The following DPP6 variants were observed in gnomAD, a reference collection of about 807,000 sequenced individuals.
The protein encoded by DPP6 is A-type potassium channel modulatory protein DPP6.
In DPP6, 69 loss-of-function variants were observed where a neutral mutation model predicts 122.6. That is an observed-to-expected ratio of 0.56 (90% CI 0.46 to 0.69). The LOEUF is 0.69. Ranked by LOEUF, DPP6 falls within the 30% of genes least tolerant of loss-of-function variation. The probability of loss-of-function intolerance (pLI) is 0.00; values close to 1 mark genes in which losing one functional copy is unlikely to be tolerated. For synonymous variants in DPP6, 418 were observed against 433.1 expected (o/e 0.97, Z 0.43); for missense variants, 928 against 1,116.9 (o/e 0.83, Z 2.41).
chr7:154,479,506 C>T lies in DPP6; in HGVS notation c.457+4469C>T, dbSNP rs529151878. On this transcript the variant is annotated intron_variant, in intron 3 of 25. Coordinates refer to ENST00000377770, the MANE Select transcript of DPP6 (RefSeq NM_130797.4). ...CTGGGAGGTGCAGGTGGCAGTGAGC[C>T]GACATTGCGCCACAGCACTCCAGCC... Among the ~76,000 whole-genome samples the T allele has an allele frequency of 7.7e-5, 11 of 143,710 alleles. No homozygotes were observed. In the South Asian group the frequency reaches 1.1e-3, roughly 14 times the overall value. 94.3% of individuals were successfully genotyped at this position (143,710 alleles called of 152,430 possible). A position where few individuals can be genotyped will look rare whatever the true frequency, so the allele number is the denominator to read the frequency against.
At chr7:154,805,069 C>T in intron 15 of DPP6, 105 bp downstream of exon 15, 1 of 1,434,360 alleles carries the variant, frequency 7.0e-7, no homozygotes, top group South Asian at 1.3e-5. Flanking sequence ...GCAGCAAAGA[C>T]AGACCCCACC....
At chr7:153,786,734 G>A in the DPP6 span, among the ~76,000 whole-genome samples, 299 of 53,732 alleles carry the variant, frequency 5.6e-3, no homozygotes, top group African/African-American at 0.019. Flanking sequence ...GCGAGACTCC[G>A]TCTCAGAAAA....
At chr7:154,611,017 A>T (rs918512277) in intron 5 of DPP6, among the ~76,000 whole-genome samples, 3 of 152,198 alleles carry the variant, frequency 2.0e-5, no homozygotes, top group Non-Finnish European at 4.4e-5. Flanking sequence ...AAATTCATTT[A>T]CTGTGCTAGA....
In DPP6 at chr7:154,063,486, C is replaced by T. The variant is rs1404462546; in HGVS notation, c.243+10423C>T. On this transcript the variant is annotated intron_variant, in intron 1 of 25. Transcript: ENST00000377770. ...AGGCAGGGACTGAGAGCCATTCCCTCTTCCCCCCCTGGCTCTTAAGACCCC... is the reference window on the plus strand; with the variant it reads ...AGGCAGGGACTGAGAGCCATTCCCTTTTCCCCCCCTGGCTCTTAAGACCCC... Among the ~76,000 whole-genome samples the T allele has an allele frequency of 1.3e-4, 15 of 112,708 alleles. 3 individuals carry two copies. Among genetic ancestry groups the T allele is most frequent in the Non-Finnish European group, 2.5e-4 (13 of 51,266 alleles). The allele number at this position is 112,708 out of a possible 152,430, so 73.9% of individuals were successfully genotyped here.
intron 1 of DPP6, among the ~76,000 whole-genome samples, chr7:154,183,380 C>G (rs556633596): frequency 2.7e-4 from 41 of 152,224 alleles, no homozygotes; most frequent in African/African-American, 9.6e-4. Flanking sequence ...ACAGAAGGTG[C>G]CTGGGTGAGT....
chr7:154,697,173 A>G (rs1311656978), intron 7 of DPP6, among the ~76,000 whole-genome samples: 22 of 152,198 alleles, frequency 1.4e-4, no homozygotes, highest in Admixed American at 1.4e-3. Context: ...AGTCAGCCTC[A>G]GGCATCATGT....
intron 1 of DPP6, among the ~76,000 whole-genome samples, chr7:154,035,126 C>T (rs947009662): frequency 1.3e-5 from 2 of 152,246 alleles, no homozygotes; most frequent in African/African-American, 4.8e-5. Context: ...TCCCTAAGCT[C>T]CGCTTTCTGA....
At chr7:154,358,504 C>T (rs115686798) in intron 1 of DPP6, among the ~76,000 whole-genome samples, 2,390 of 152,256 alleles carry the variant, frequency 0.016, 71 homozygotes, top group African/African-American at 0.055. Context: ...GTGAGAGATA[C>T]AGGTGGAAGT....
intron 3 of DPP6, among the ~76,000 whole-genome samples, chr7:154,525,754 G>GTT (rs3057500): frequency 0.29 from 42,911 of 146,284 alleles, 6,281 homozygotes; most frequent in Non-Finnish European, 0.33. Context: ...GTTTTGTTGT[G>GTT]TTTTTTTTTT....
At chr7:154,717,418 CT>C (rs1275230108) in intron 7 of DPP6, among the ~76,000 whole-genome samples, 1 of 151,726 alleles carries the variant, frequency 6.6e-6, no homozygotes, top group East Asian at 1.9e-4. Flanking sequence ...TTCCCAGCAC[CT>C]TCCCAGCACC....
At chr7:154,355,131 C>G (rs1041088705) in intron 1 of DPP6, among the ~76,000 whole-genome samples, 1 of 152,154 alleles carries the variant, frequency 6.6e-6, no homozygotes, top group East Asian at 1.9e-4. Context: ...ATGCTATTGG[C>G]CATTTGGGTA....
intron 1 of DPP6, among the ~76,000 whole-genome samples, chr7:154,144,747 G>T (rs181742680): frequency 6.6e-6 from 1 of 151,998 alleles, no homozygotes; most frequent in African/African-American, 2.4e-5. Context: ...ATAAGGATGG[G>T]GCCCTAATCC....
chr7:153,760,451 T>C, the DPP6 span, among the ~76,000 whole-genome samples: 7 of 152,276 alleles, frequency 4.6e-5, no homozygotes, highest in East Asian at 5.8e-4. Context: ...TAATTTTTGA[T>C]TGGATGCCAG....
At chr7:154,459,974 C>CTTTTTTTTTTTTTTTT (rs71184004) in intron 2 of DPP6, among the ~76,000 whole-genome samples, 1 of 58,566 alleles carries the variant, frequency 1.7e-5, no homozygotes. Context: ...TATTCATGTG[C>CTTTTTTTTTTTTTTTT]TTTTTTTTTT....
chr7:154,159,371 A>C (rs1167810015), intron 1 of DPP6, among the ~76,000 whole-genome samples: 1 of 149,604 alleles, frequency 6.7e-6, no homozygotes, highest in Admixed American at 6.6e-5. Context: ...CTCTCTTCTC[A>C]CTCCTCTTCC....
rs191623869 is a variant in DPP6, at chr7:154,107,908, C to T, written c.243+54845C>T. Among the ~76,000 whole-genome samples the T allele has an allele frequency of 5.6e-3, 860 of 152,284 alleles. 8 individuals carry two copies. The highest frequency in any genetic ancestry group is 0.02 in the African/African-American group (812 of 41,552). ...CTCAGGGGCCCTTCACAAAACTGGG[C>T]TGTCAGGGCCACCTGGAGCTCAGAG... On this transcript the variant is annotated intron_variant, in intron 1 of 25. Coordinates refer to ENST00000377770, the MANE Select transcript of DPP6 (RefSeq NM_130797.4).
chr7:154,541,836 G>A (rs1255618597), intron 4 of DPP6, among the ~76,000 whole-genome samples: 1 of 152,192 alleles, frequency 6.6e-6, no homozygotes, highest in African/African-American at 2.4e-5. Flanking sequence ...GATCCTGAGC[G>A]AGACTTAGAG....
At chr7:153,887,835 G>A (rs975451917) in intron 1 of DPP6, 4 of 1,338,026 alleles carry the variant, frequency 3.0e-6, no homozygotes, top group Admixed American at 4.5e-5. Context: ...CTCCCTGGAA[G>A]GACAGCGACC....
chr7:153,892,179 C>T (rs1039265617), intron 1 of DPP6, among the ~76,000 whole-genome samples: 1 of 152,176 alleles, frequency 6.6e-6, no homozygotes, highest in East Asian at 1.9e-4. Context: ...GGCATTTGAC[C>T]GTTTTGCTGA....
Sources: allele counts gnomAD v4.1 joint callset (sites outside exome capture counted in the v4.1 genomes callset), GRCh38; gene constraint gnomAD v4.1.1; transcripts MANE v1.5; gene names NCBI Gene and HGNC (gene_info 2026-07-23, HGNC 2026-07-21).